The following WWOX variants were observed in gnomAD, a reference collection of about 807,000 sequenced individuals.
The protein encoded by WWOX is WW domain containing oxidoreductase.
A neutral mutation model predicts 46.2 loss-of-function variants in WWOX; 69 were observed. The ratio of observed to expected loss-of-function variants is 1.49; its 90% CI spans 1.23 to 1.82. WWOX has a LOEUF of 1.82. WWOX is among the 40% of genes most tolerant of loss of function. The pLI, the probability that WWOX is intolerant of heterozygous loss-of-function variation, is 0.00. For synonymous variants in WWOX, 359 were observed against 202.6 expected, an observed-to-expected ratio of 1.77 and a Z score of -6.56; for missense variants, 919 against 542.6, an observed-to-expected ratio of 1.69 and a Z score of -6.89.
At chr16:78,240,322 A>AT (rs1263823993) in intron 5 of WWOX, among the ~76,000 whole-genome samples, 1 of 152,044 alleles carries the variant, frequency 6.6e-6, no homozygotes, top group Non-Finnish European at 1.5e-5. Flanking sequence ...CTTAAAAAAA[A>AT]AATAACACCA....
At chr16:78,826,202 A>G (rs1244576962) in intron 8 of WWOX, among the ~76,000 whole-genome samples, 3 of 152,186 alleles carry the variant, frequency 2.0e-5, no homozygotes, top group Non-Finnish European at 4.4e-5. Context: ...TAAAAATACA[A>G]AGATTAGCCT....
At chr16:78,278,526 G>T in intron 5 of WWOX, 1 of 1,400,038 alleles carries the variant, frequency 7.1e-7, no homozygotes. Flanking sequence ...ACTTATCTTT[G>T]GAATGCTTCA....
At chr16:78,598,979 G>T (rs2667537) in intron 8 of WWOX, among the ~76,000 whole-genome samples, 2 of 152,202 alleles carry the variant, frequency 1.3e-5, no homozygotes, top group Non-Finnish European at 2.9e-5. Context: ...TAGGCAACCA[G>T]TAAGTGGCAG....
intron 8 of WWOX, among the ~76,000 whole-genome samples, chr16:78,843,903 C>T (rs1203982192): frequency 6.6e-6 from 1 of 152,182 alleles, no homozygotes; most frequent in African/African-American, 2.4e-5. Flanking sequence ...AGCGTTTCAG[C>T]TGTCCACTCG....
intron 8 of WWOX, among the ~76,000 whole-genome samples, chr16:78,963,649 G>A (rs1313462752): frequency 6.6e-6 from 1 of 152,124 alleles, no homozygotes; most frequent in Non-Finnish European, 1.5e-5. Context: ...TCATGATAAG[G>A]CTATTAAGAG....
chr16:78,349,726 A>G (rs2081153182), intron 5 of WWOX, among the ~76,000 whole-genome samples: 1 of 118,308 alleles, frequency 8.5e-6, no homozygotes, highest in African/African-American at 2.9e-5. Context: ...GATTGAAATT[A>G]TGCTTGGAGT....
intron 8 of WWOX, among the ~76,000 whole-genome samples, chr16:79,197,974 T>C (rs1204165172): frequency 6.6e-6 from 1 of 152,190 alleles, no homozygotes; most frequent in Non-Finnish European, 1.5e-5. Context: ...TCTTCCCTTA[T>C]GTGTACAACA....
intron 8 of WWOX, among the ~76,000 whole-genome samples, chr16:78,733,546 G>C (rs1165513659): frequency 6.6e-6 from 1 of 150,730 alleles, no homozygotes; most frequent in Non-Finnish European, 1.5e-5. Context: ...AGGAGATCGA[G>C]ACCAGCCTGG....
At chr16:79,180,439 G>A (rs1017311168) in intron 8 of WWOX, among the ~76,000 whole-genome samples, 20 of 152,256 alleles carry the variant, frequency 1.3e-4, no homozygotes, top group African/African-American at 4.6e-4. Flanking sequence ...ATTATAAAAT[G>A]GACATAAAGC....
At chr16:78,835,208 C>T (rs1370284147) in intron 8 of WWOX, among the ~76,000 whole-genome samples, 1 of 152,142 alleles carries the variant, frequency 6.6e-6, no homozygotes, top group Admixed American at 6.5e-5. Flanking sequence ...TAGTGGCCTT[C>T]TTACCACCTA....
intron 8 of WWOX, among the ~76,000 whole-genome samples, chr16:79,152,364 G>C (rs2050297460): frequency 6.6e-6 from 1 of 152,082 alleles, no homozygotes; most frequent in South Asian, 2.1e-4. Flanking sequence ...GGGGAAGACA[G>C]TTAAGCTTTA....
At chr16:78,709,119 T>A (rs1415655983) in intron 8 of WWOX, among the ~76,000 whole-genome samples, 1 of 152,100 alleles carries the variant, frequency 6.6e-6, no homozygotes, top group East Asian at 1.9e-4. Context: ...AGTTCCCTAC[T>A]CTCCTCCTCG....
intron 8 of WWOX, among the ~76,000 whole-genome samples, chr16:79,021,966 C>T (rs761795390): frequency 2.0e-5 from 3 of 152,216 alleles, no homozygotes; most frequent in Non-Finnish European, 4.4e-5. Context: ...ATGTGACGTT[C>T]TCTCTGCAGG....
At chr16:78,846,333 C>T (rs188080847) in intron 8 of WWOX, among the ~76,000 whole-genome samples, 36 of 152,254 alleles carry the variant, frequency 2.4e-4, no homozygotes, top group African/African-American at 3.8e-4. Flanking sequence ...TTGGATTTGA[C>T]GGTGTGTCCT....
intron 8 of WWOX, among the ~76,000 whole-genome samples, chr16:78,955,009 C>A (rs977770253): frequency 6.6e-6 from 1 of 152,082 alleles, no homozygotes; most frequent in Non-Finnish European, 1.5e-5. Flanking sequence ...AGGCTTATCT[C>A]AAACTCCTGG....
chr16:78,473,233 G>A (rs150369855), intron 8 of WWOX, among the ~76,000 whole-genome samples: 2 of 152,208 alleles, frequency 1.3e-5, no homozygotes, highest in South Asian at 2.1e-4. Context: ...ACGTTCAAGC[G>A]ATTGTCCTGC....
intron 8 of WWOX, among the ~76,000 whole-genome samples, chr16:78,714,524 G>C (rs899901245): frequency 6.6e-6 from 1 of 151,886 alleles, no homozygotes; most frequent in African/African-American, 2.4e-5. Context: ...TTTTGGTGGG[G>C]ACACAGACAC....
intron 8 of WWOX, among the ~76,000 whole-genome samples, chr16:78,633,760 C>G (rs1041588190): frequency 3.9e-5 from 6 of 152,218 alleles, no homozygotes; most frequent in Non-Finnish European, 8.8e-5. Context: ...TATGATTCAT[C>G]AAGAGGACTC....
chr16:78,906,370 C>G (rs16948801), intron 8 of WWOX, among the ~76,000 whole-genome samples: 21,094 of 152,124 alleles, frequency 0.14, 1,795 homozygotes, highest in Non-Finnish European at 0.19. Flanking sequence ...CTTTGATATG[C>G]AAATATAGCC....
Sources: gnomAD v4.1 joint callset for allele counts (sites outside exome capture counted in the v4.1 genomes callset) on GRCh38, gnomAD v4.1.1 for gene constraint, MANE v1.5 for transcripts, NCBI Gene and HGNC (gene_info 2026-07-23, HGNC 2026-07-21) for gene names.